ABCC4: variants seen among roughly 807,000 people sequenced by gnomAD.
ABCC4 encodes the protein ATP-binding cassette sub-family C member 4.
ABCC4 carries 102 observed loss-of-function variants against 168.5 expected under a neutral mutation model. The ratio of observed to expected loss-of-function variants is 0.61; its 90% CI spans 0.52 to 0.71. ABCC4 has a LOEUF of 0.71. ABCC4 is among the 30% of genes least tolerant of loss of function. The probability of loss-of-function intolerance (pLI) is 0.00; values close to 1 mark genes in which losing one functional copy is unlikely to be tolerated. For missense variants in ABCC4, 1,402 were observed against 1,605.8 expected (o/e 0.87, Z 2.17); for synonymous variants, 617 against 590.7 (o/e 1.04, Z -0.65).
chr13:95,083,093 T>C (rs1310025191), intron 21 of ABCC4, 47 bp downstream of exon 21: 1 of 1,577,434 alleles, frequency 6.3e-7, no homozygotes, highest in South Asian at 1.2e-5. Context: ...ATGGCATAAA[T>C]GGAAACTAGC....
chr13:95,227,191 T>G lies in ABCC4; in HGVS notation c.531+7419A>C, dbSNP rs566896148. The stretch of plus-strand genomic sequence containing the variant: ...CTCCTAAATCTCCAGCAGCAGAAAT[T>G]TCCTCTTGGAAAAATCCAAACAAAA... On this transcript the variant is annotated intron_variant, in intron 4 of 30. Transcript: ENST00000645237. Among the ~76,000 whole-genome samples, 23 of 152,244 alleles carry G rather than the reference T, an allele frequency of 1.5e-4. No homozygotes were observed. The East Asian group carries it at 4.3e-3, about 28-fold the overall frequency.
chr13:95,142,859 CAAGA>C (rs1210260508), intron 19 of ABCC4, among the ~76,000 whole-genome samples: 1 of 151,734 alleles, frequency 6.6e-6, no homozygotes, highest in Non-Finnish European at 1.5e-5. Flanking sequence ...CTACAGCAAA[CAAGA>C]AAGAAAGCAA....
chr13:95,274,096 T>G (rs2040912942), intron 1 of ABCC4, among the ~76,000 whole-genome samples: 1 of 152,158 alleles, frequency 6.6e-6, no homozygotes, highest in Non-Finnish European at 1.5e-5. Flanking sequence ...CTCAGGTATG[T>G]CTTTATCAGC....
At chr13:95,290,138 AGATAGATAGAT>A (rs1385848717) in intron 1 of ABCC4, among the ~76,000 whole-genome samples, 7 of 151,964 alleles carry the variant, frequency 4.6e-5, no homozygotes, top group African/African-American at 1.7e-4. Flanking sequence ...ATAGATAGAT[AGATAGATAGAT>A]GATAGATAGA....
intron 30 of ABCC4, among the ~76,000 whole-genome samples, chr13:95,031,371 G>A (rs1241570721): frequency 6.6e-6 from 1 of 152,216 alleles, no homozygotes; most frequent in Non-Finnish European, 1.5e-5. Context: ...ACAAGGAGCA[G>A]CGTTTTCAGG....
chr13:95,096,915 A>G (rs1319220313), intron 20 of ABCC4, among the ~76,000 whole-genome samples: 1 of 152,220 alleles, frequency 6.6e-6, no homozygotes, highest in African/African-American at 2.4e-5. Context: ...ATTTTCTATA[A>G]TATGTATGCA....
At chr13:95,071,599 C>G in intron 25 of ABCC4, 63 bp downstream of exon 25, 1 of 1,335,812 alleles carries the variant, frequency 7.5e-7, no homozygotes, top group Non-Finnish European at 9.8e-7. Flanking sequence ...ACAAGGAAGA[C>G]AACAAGCAGA....
At chr13:95,167,960 A>C (rs564185462) in intron 14 of ABCC4, among the ~76,000 whole-genome samples, 3 of 152,158 alleles carry the variant, frequency 2.0e-5, no homozygotes, top group Admixed American at 1.3e-4. Context: ...TTCGCCTCCC[A>C]GGTTCAAGTG....
rs559509766 is a variant in ABCC4 at position 95,154,590 on chromosome 13, GA to G, written c.2455+6598del. 2.6e-5 allele frequency among the ~76,000 whole-genome samples: 4 copies of G among 152,318 alleles called. No individual in the cohort carries two copies. The East Asian group carries it at 7.7e-4, about 29-fold the overall frequency. On this transcript the variant is annotated intron_variant, in intron 19 of 30. Coordinates refer to ENST00000645237, the MANE Select transcript of ABCC4 (RefSeq NM_005845.5). ...ACTGGTGACGAATGATGACACTGAG[GA>G]AATATTTTAGCACGAAGCTTTGCCT... is the stretch of plus-strand genomic sequence containing the variant.
intron 3 of ABCC4, among the ~76,000 whole-genome samples, chr13:95,242,855 G>A (rs953004791): frequency 1.3e-5 from 2 of 152,012 alleles, no homozygotes; most frequent in Non-Finnish European, 2.9e-5. Context: ...AATTCAGGCT[G>A]TTTTCACTGC....
chr13:95,239,674 T>C (rs1246088058), intron 3 of ABCC4, among the ~76,000 whole-genome samples: 1 of 152,068 alleles, frequency 6.6e-6, no homozygotes, highest in Non-Finnish European at 1.5e-5. Context: ...ATCATACTCA[T>C]CAAAATATAC....
At chr13:95,102,909 C>T (rs551337420) in intron 20 of ABCC4, among the ~76,000 whole-genome samples, 3 of 149,312 alleles carry the variant, frequency 2.0e-5, no homozygotes, top group Admixed American at 6.7e-5. Context: ...GTGTGAACTA[C>T]CACACCTGGC....
intron 1 of ABCC4, among the ~76,000 whole-genome samples, chr13:95,271,319 C>G (rs186607392): frequency 5.9e-5 from 9 of 152,280 alleles, no homozygotes; most frequent in Admixed American, 3.3e-4. Flanking sequence ...AAAACATAAT[C>G]TGCCACCCTG....
chr13:95,215,209 T>C (rs1198884101), intron 4 of ABCC4, among the ~76,000 whole-genome samples: 1 of 151,980 alleles, frequency 6.6e-6, no homozygotes, highest in African/African-American at 2.4e-5. Context: ...TTGCTTGAGC[T>C]CAGGAGTTCG....
chr13:95,077,884 T>C (rs2033960835), intron 21 of ABCC4, among the ~76,000 whole-genome samples: 2 of 152,056 alleles, frequency 1.3e-5, no homozygotes, highest in Non-Finnish European at 2.9e-5. Context: ...ACATGGAGGT[T>C]CCACATATAT....
intron 30 of ABCC4, among the ~76,000 whole-genome samples, chr13:95,031,272 C>G (rs967861864): frequency 6.6e-6 from 1 of 152,190 alleles, no homozygotes; most frequent in Non-Finnish European, 1.5e-5. Flanking sequence ...GTGACCTGAG[C>G]CAGTGGTTAG....
chr13:95,074,478 G>A (rs1348914975), intron 22 of ABCC4, among the ~76,000 whole-genome samples, 154 bp from the exon 23 acceptor site: 1 of 152,204 alleles, frequency 6.6e-6, no homozygotes, highest in African/African-American at 2.4e-5. Context: ...AAGTGATACA[G>A]GCAATATACG....
intron 20 of ABCC4, among the ~76,000 whole-genome samples, chr13:95,101,168 T>C (rs1262088702): frequency 6.6e-6 from 1 of 152,178 alleles, no homozygotes; most frequent in Admixed American, 6.5e-5. Context: ...ACATTTTCTT[T>C]TTCTTGGGCA....
At chr13:95,161,055 T>C (rs763390100) in intron 19 of ABCC4, 134 bp downstream of exon 19, 4 of 536,170 alleles carry the variant, frequency 7.5e-6, no homozygotes, top group Non-Finnish European at 1.1e-5. Context: ...TGAAGTTTCT[T>C]GTGGAAAATG....
Sources: allele counts gnomAD v4.1 joint callset (sites outside exome capture counted in the v4.1 genomes callset), GRCh38; gene constraint gnomAD v4.1.1; transcripts MANE v1.5; gene names NCBI Gene and HGNC (gene_info 2026-07-23, HGNC 2026-07-21).